Variants in TAF2 observed in about 807,000 individuals in gnomAD.
TAF2 encodes TATA-box binding protein associated factor 2.
A neutral mutation model predicts 138.5 loss-of-function variants in TAF2; 61 were observed. The observed-to-expected ratio is 0.44, with a 90% CI of 0.36 to 0.54. TAF2 has a LOEUF of 0.54. TAF2 is among the 20% of genes least tolerant of loss of function. The probability of loss-of-function intolerance (pLI) is 0.00; values close to 1 mark genes in which losing one functional copy is unlikely to be tolerated. For synonymous variants in TAF2, 475 were observed against 469.9 expected (o/e 1.01, Z -0.14); for missense variants, 1,090 against 1,427.9 (o/e 0.76, Z 3.81).
intron 21 of TAF2, among the ~76,000 whole-genome samples, chr8:119,757,103 G>C (rs1045262528): frequency 5.9e-5 from 9 of 152,134 alleles, no homozygotes; most frequent in Non-Finnish European, 8.8e-5. Flanking sequence ...TTGTAATTGA[G>C]AAAGAGATGG....
At chr8:119,792,205 G>A (rs1182509084) in intron 10 of TAF2, among the ~76,000 whole-genome samples, 3 of 148,834 alleles carry the variant, frequency 2.0e-5, no homozygotes, top group African/African-American at 7.5e-5. Flanking sequence ...CCAGGCTGGA[G>A]TGCAGTGGCA....
chr8:119,773,453 A>C (rs1821992337), intron 18 of TAF2, among the ~76,000 whole-genome samples: 1 of 151,456 alleles, frequency 6.6e-6, no homozygotes, highest in Non-Finnish European at 1.5e-5. Context: ...CCTCTCTCAG[A>C]TTTCTTAGAC....
chr8:119,786,413 T>C (rs1268919996), intron 14 of TAF2, among the ~76,000 whole-genome samples: 3 of 152,204 alleles, frequency 2.0e-5, no homozygotes, highest in Non-Finnish European at 4.4e-5. Flanking sequence ...AACCTATTTG[T>C]CTTGAATTTT....
At chr8:119,788,675 T>C in intron 13 of TAF2, 115 bp downstream of exon 13, 1 of 851,574 alleles carries the variant, frequency 1.2e-6, no homozygotes, top group Non-Finnish European at 2.0e-6. Context: ...TTTTCTCAAT[T>C]TATCCACTTC....
At chr8:119,742,703 C>T (rs62528919) in intron 24 of TAF2, 47 bp from the exon 25 acceptor site, 22,678 of 1,601,886 alleles carry the variant, frequency 0.014, 225 homozygotes, top group Non-Finnish European at 0.015. Context: ...TTCTTTGTTT[C>T]CCAAAAGAAA....
intron 17 of TAF2, 38 bp downstream of exon 17, chr8:119,781,015 A>G: frequency 6.3e-7 from 1 of 1,593,188 alleles, no homozygotes; most frequent in Non-Finnish European, 8.6e-7. Flanking sequence ...AAACTGAAAT[A>G]TATAAAAACC....
intron 25 of TAF2, among the ~76,000 whole-genome samples, chr8:119,741,612 T>C (rs888670356): frequency 2.0e-5 from 3 of 152,222 alleles, no homozygotes; most frequent in Admixed American, 6.5e-5. Flanking sequence ...CAGTTTAATG[T>C]GCTGCTTTTG....
In TAF2 at chr8:119,739,771, G is replaced by A. The variant is rs550867064; in HGVS notation, c.3337+2763C>T. On this transcript the variant is annotated intron_variant, in intron 25 of 25. Transcript: ENST00000378164. ...AATGAGTAAACAGACTACTGGGTGC[G>A]GCATAAGAGATCACACGCCTTACTA... Among the ~76,000 whole-genome samples the A allele has an allele frequency of 3.6e-4, 54 of 149,572 alleles. 1 individual carries two copies. Among genetic ancestry groups the A allele is most frequent in the African/African-American group, 7.9e-4 (32 of 40,436 alleles).
At chr8:119,821,524 G>A (rs149131486) in intron 2 of TAF2, among the ~76,000 whole-genome samples, 1 of 152,122 alleles carries the variant, frequency 6.6e-6, no homozygotes. Flanking sequence ...TAGTTTCCAC[G>A]ACTACTTCTG....
intron 25 of TAF2, among the ~76,000 whole-genome samples, chr8:119,736,707 A>T (rs1819244916): frequency 6.6e-6 from 1 of 152,200 alleles, no homozygotes; most frequent in African/African-American, 2.4e-5. Flanking sequence ...ACTATCTTGC[A>T]ACTTAATGAA....
intron 18 of TAF2, among the ~76,000 whole-genome samples, chr8:119,774,751 T>G (rs1000801632): frequency 6.6e-6 from 1 of 152,072 alleles, no homozygotes; most frequent in Non-Finnish European, 1.5e-5. Flanking sequence ...ACAAAGCAAA[T>G]AGCTGAACTA....
In TAF2 at chr8:119,824,460, A is replaced by G. The variant is rs113829315; in HGVS notation, c.139-4954T>C. ...AAAAAAAAAGAAAAAAGAAACTCCC[A>G]TTTTCTGAGGAGAAGTCCAAGCTGG... On this transcript the variant is annotated intron_variant, in intron 2 of 25. Transcript: ENST00000378164. Among the ~76,000 whole-genome samples the G allele has an allele frequency of 3.2e-3, 485 of 151,766 alleles. 3 individuals are homozygous for G. The highest frequency in any genetic ancestry group is 0.011 in the African/African-American group (456 of 41,404).
intron 21 of TAF2, among the ~76,000 whole-genome samples, chr8:119,756,397 A>C (rs780187090): frequency 1.1e-4 from 16 of 152,124 alleles, no homozygotes; most frequent in Non-Finnish European, 2.2e-4. Context: ...AAATCACCTT[A>C]CTGTGTGATG....
chr8:119,832,181 AAAAC>A (rs1563937788), intron 1 of TAF2, among the ~76,000 whole-genome samples: 1 of 152,164 alleles, frequency 6.6e-6, no homozygotes, highest in East Asian at 1.9e-4. Flanking sequence ...TAAAAAAAAA[AAAAC>A]ACTCTACCAA....
chr8:119,803,308 A>G (rs1449590431), intron 5 of TAF2, among the ~76,000 whole-genome samples: 1 of 152,196 alleles, frequency 6.6e-6, no homozygotes, highest in Non-Finnish European at 1.5e-5. Flanking sequence ...GTTTTACTTC[A>G]ATATAAAGTT....
chr8:119,791,013 C>T (rs1466637688), intron 11 of TAF2, among the ~76,000 whole-genome samples: 1 of 151,998 alleles, frequency 6.6e-6, no homozygotes, highest in African/African-American at 2.4e-5. Flanking sequence ...ACTGCCCAGG[C>T]TGGTCTCGAA....
chr8:119,746,774 T>A lies in TAF2; in HGVS notation c.3039A>T (p.Ser1013=). 6.2e-7 allele frequency: 1 copy of A among 1,614,186 alleles called. No homozygotes were observed. The highest frequency in any genetic ancestry group is 2.2e-5 in the East Asian group (1 of 44,872). ...AVLNPTIIPE[S]VAGNQEAANN... Reference sequence around the variant, plus strand: ...TTGCAGCTTCTTGGTTGCCTGCTACTGACTCTGGAATTATGGTAGGATTCA... The same window carrying A: ...TTGCAGCTTCTTGGTTGCCTGCTACAGACTCTGGAATTATGGTAGGATTCA... Residue 1013 remains serine (S), a synonymous_variant, in exon 23 of 26, where the codon TCA becomes TCT. Transcript: ENST00000378164.
In TAF2 at chr8:119,819,272, A is replaced by T. The variant is rs1192125031; in HGVS notation, c.299+74T>A. 2.7e-6 allele frequency: 4 copies of T among 1,504,652 alleles called. No individual in the cohort carries two copies. In the African/African-American group the frequency reaches 4.2e-5, roughly 16 times the overall value. The allele number at this position is 1,504,652 out of a possible 1,614,324, so 93.2% of individuals were successfully genotyped here. ...CGATCCAAAAAAAAAATACTTTGAG[A>T]AAAACTAATCCAATCATTAAAAACA... is the stretch of plus-strand genomic sequence containing the variant. On this transcript the variant is annotated intron_variant, in intron 3 of 25. Coordinates refer to ENST00000378164, the MANE Select transcript of TAF2 (RefSeq NM_003184.4).
rs1173184373 is a variant in TAF2 at position 119,747,331 on chromosome 8, T to C, written c.2879-397A>G. Among the ~76,000 whole-genome samples the C allele has an allele frequency of 2.0e-5, 3 of 152,182 alleles. No homozygotes were observed. In the East Asian group the frequency reaches 5.8e-4, roughly 29 times the overall value. ...TAGTAAGAAACCATACAACTACTAT[T>C]GGACTTATTGTAAAGGAGGAAAATA... On this transcript the variant is annotated intron_variant, in intron 22 of 25. Transcript: ENST00000378164.
Sources: allele counts gnomAD v4.1 joint callset (sites outside exome capture counted in the v4.1 genomes callset), GRCh38; gene constraint gnomAD v4.1.1; transcripts MANE v1.5; gene names NCBI Gene and HGNC (gene_info 2026-07-23, HGNC 2026-07-21).